DLGAP1: variants seen among roughly 807,000 people sequenced by gnomAD.
DLGAP1 encodes disks large-associated protein 1.
Under a neutral mutation model 90.8 loss-of-function variants are expected in DLGAP1, and 11 were observed. That is an observed-to-expected ratio of 0.12 (90% CI 0.08 to 0.20). DLGAP1 has a LOEUF of 0.20. Among genes scored for constraint, DLGAP1 ranks in the 10% least tolerant of loss-of-function variants. The pLI, the probability that DLGAP1 is intolerant of heterozygous loss-of-function variation, is 1.00. For synonymous variants in DLGAP1, 558 were observed against 540.7 expected (o/e 1.03, Z -0.44); for missense variants, 1,050 against 1,333.8 (o/e 0.79, Z 3.31).
intron 1 of DLGAP1, among the ~76,000 whole-genome samples, chr18:4,325,907 C>T (rs1469652907): frequency 6.6e-6 from 1 of 152,054 alleles, no homozygotes; most frequent in African/African-American, 2.4e-5. Context: ...ACTATAAAAA[C>T]CCTGGAAGTT....
chr18:4,090,052 A>T (rs1277490101), intron 2 of DLGAP1, among the ~76,000 whole-genome samples: 3 of 152,166 alleles, frequency 2.0e-5, no homozygotes, highest in Non-Finnish European at 4.4e-5. Context: ...CTAAAAAAAA[A>T]GAAAGAAACT....
At chr18:4,352,276 C>G (rs2081418432) in intron 1 of DLGAP1, among the ~76,000 whole-genome samples, 1 of 152,164 alleles carries the variant, frequency 6.6e-6, no homozygotes, top group Non-Finnish European at 1.5e-5. Context: ...ATGCTGAGAA[C>G]TCCAGCCTTT....
At position 4,454,760 on chromosome 18, in the gene DLGAP1, G is replaced by A. The variant is rs560906287; in HGVS notation, c.-267+246C>T. Among the ~76,000 whole-genome samples the A allele has an allele frequency of 2.1e-4, 32 of 152,110 alleles. 1 individual carries two copies. In the South Asian group the frequency reaches 6.2e-3, roughly 30 times the overall value. ...CCGTGGGGAGCCGCGAGGACCGCAT[G>A]GCCGGAGAGGACGCGCTCGCCCCCG... On this transcript the variant is annotated intron_variant, in intron 1 of 12. Coordinates refer to ENST00000315677, the MANE Select transcript of DLGAP1 (RefSeq NM_004746.4). The surrounding 1 kb of genome is among the most constrained non-coding windows in gnomAD (Gnocchi z 4.7).
rs542928899 is a variant in DLGAP1 at position 4,147,003 on chromosome 18, A to G, written c.-159+4177T>C. Among the ~76,000 whole-genome samples, 58 of 152,340 alleles carry G rather than the reference A, an allele frequency of 3.8e-4. 1 individual carries two copies. Among genetic ancestry groups the G allele is most frequent in the African/African-American group, 1.3e-3 (56 of 41,582 alleles). On this transcript the variant is annotated intron_variant, in intron 2 of 12. Transcript: ENST00000315677. ...TTAGCAAGAAAAGTAGGAAAAATTT[A>G]CCAAGCCAATCATGGGATGATGCAT... is the stretch of plus-strand genomic sequence containing the variant.
chr18:4,055,837 T>C (rs2075206323), intron 2 of DLGAP1, among the ~76,000 whole-genome samples: 1 of 152,128 alleles, frequency 6.6e-6, no homozygotes, highest in Non-Finnish European at 1.5e-5. Flanking sequence ...AGGAAAAATA[T>C]ATTAGAAAAT....
intron 3 of DLGAP1, among the ~76,000 whole-genome samples, chr18:3,889,049 T>C (rs2071395231): frequency 6.6e-6 from 1 of 152,068 alleles, no homozygotes; most frequent in Admixed American, 6.5e-5. Flanking sequence ...CAGCCTGTCT[T>C]ATGCGGGTAC....
chr18:4,264,513 C>G (rs1354576301), intron 1 of DLGAP1: 5 of 152,320 alleles, frequency 3.3e-5, no homozygotes, highest in Non-Finnish European at 7.3e-5. Flanking sequence ...TGACCTTCAA[C>G]TCTACACTCT....
intron 7 of DLGAP1, among the ~76,000 whole-genome samples, chr18:3,671,431 G>C (rs1322845246): frequency 6.6e-6 from 1 of 152,224 alleles, no homozygotes; most frequent in African/African-American, 2.4e-5. Flanking sequence ...ATCCTCAGGA[G>C]CAGCCTGGTG....
chr18:3,834,356 T>C (rs980571294), intron 4 of DLGAP1, among the ~76,000 whole-genome samples: 1 of 138,448 alleles, frequency 7.2e-6, no homozygotes, highest in Non-Finnish European at 1.6e-5. Flanking sequence ...TGATTAATCA[T>C]AGCACTGGTT....
chr18:3,824,625 A>C (rs2067608906), intron 4 of DLGAP1, among the ~76,000 whole-genome samples: 1 of 152,190 alleles, frequency 6.6e-6, no homozygotes, highest in East Asian at 1.9e-4. Flanking sequence ...AAGTTTCTTA[A>C]ATGAGGCTTA....
At chr18:4,226,505 TATA>T (rs1265451092) in intron 1 of DLGAP1, among the ~76,000 whole-genome samples, 1 of 151,904 alleles carries the variant, frequency 6.6e-6, no homozygotes, top group African/African-American at 2.4e-5. Context: ...GCATAGGTGG[TATA>T]ATAAGATATA....
intron 1 of DLGAP1, among the ~76,000 whole-genome samples, chr18:4,354,756 C>T (rs2081471038): frequency 6.6e-6 from 1 of 151,824 alleles, no homozygotes. Flanking sequence ...AATACCCATC[C>T]TTGTATATAC....
intron 4 of DLGAP1, among the ~76,000 whole-genome samples, chr18:3,859,301 T>C (rs2069877005): frequency 6.6e-6 from 1 of 152,186 alleles, no homozygotes. Context: ...TGATAGGCAA[T>C]AGATATATAA....
intron 5 of DLGAP1, among the ~76,000 whole-genome samples, chr18:3,764,612 C>T (rs1195610451): frequency 6.6e-6 from 1 of 152,208 alleles, no homozygotes; most frequent in African/African-American, 2.4e-5. Flanking sequence ...TCGAAATCAT[C>T]CCAAACCATC....
rs548316128 is a variant in DLGAP1, at chr18:3,668,891, A to T, written c.1591+60244T>A. ...CAGGTGCTACTTGGGAGGTTGAGGT[A>T]GGAGATCGTTTGAACCTGGGAGGCG... On this transcript the variant is annotated intron_variant, in intron 7 of 12. Coordinates refer to ENST00000315677, the MANE Select transcript of DLGAP1 (RefSeq NM_004746.4). Among the ~76,000 whole-genome samples the T allele has an allele frequency of 3.9e-5, 6 of 152,194 alleles. No individual in the cohort carries two copies. The South Asian group carries it at 1.0e-3, about 26-fold the overall frequency.
intron 1 of DLGAP1, among the ~76,000 whole-genome samples, chr18:4,304,923 CTG>C (rs2080212228): frequency 7.6e-6 from 1 of 131,646 alleles, no homozygotes; most frequent in South Asian, 2.9e-4. Flanking sequence ...AAGAGCAAAA[CTG>C]TGTCTCAAAA....
chr18:3,845,590 C>A (rs934406529), intron 4 of DLGAP1: 1 of 985,432 alleles, frequency 1.0e-6, no homozygotes. Context: ...ACTGTCCCAG[C>A]AAAATCATAT....
In DLGAP1 at chr18:3,565,563, C is replaced by T. The variant is rs958690531; in HGVS notation, c.2057+1927G>A. ...TAAAGCAATGATTACCGGCCCAGCG[C>T]GGTGGCTCACGCCTGTAATCCCAGC... On this transcript the variant is annotated intron_variant, in intron 9 of 12. Transcript: ENST00000315677. This position sits in a 1 kb window ranked among gnomAD's most constrained non-coding sequence, Gnocchi z 4.0. 6.6e-6 allele frequency among the ~76,000 whole-genome samples: 1 copy of T among 150,782 alleles called. No individual in the cohort carries two copies.
At chr18:3,567,992 G>A (rs1300839801) in intron 8 of DLGAP1, among the ~76,000 whole-genome samples, 2 of 151,888 alleles carry the variant, frequency 1.3e-5, no homozygotes, top group Admixed American at 6.6e-5. Flanking sequence ...TCCGCCTCCC[G>A]GGTTCAAGGG....
Sources: allele counts gnomAD v4.1 joint callset (sites outside exome capture counted in the v4.1 genomes callset), GRCh38; gene constraint gnomAD v4.1.1; non-coding constraint Gnocchi (gnomAD v3.1); transcripts MANE v1.5; gene names NCBI Gene and HGNC (gene_info 2026-07-23, HGNC 2026-07-21).